The following GXYLT2 variants were observed in gnomAD, a reference collection of about 807,000 sequenced individuals.
GXYLT2 encodes the protein glycosyltransferase 8 domain containing 4.
Under a neutral mutation model 45.8 loss-of-function variants are expected in GXYLT2, and 53 were observed. The observed-to-expected ratio is 1.16, with a 90% CI of 0.93 to 1.46. GXYLT2 has a LOEUF of 1.46. GXYLT2 is among the 40% of genes most tolerant of loss of function. The pLI, the probability that GXYLT2 is intolerant of heterozygous loss-of-function variation, is 0.00. For synonymous variants in GXYLT2, 219 were observed against 214.2 expected (o/e 1.02, Z -0.19); for missense variants, 551 against 544.4 (o/e 1.01, Z -0.12).
At chr3:72,972,170 G>C (rs763427319) in intron 6 of GXYLT2, among the ~76,000 whole-genome samples, 18 of 151,906 alleles carry the variant, frequency 1.2e-4, no homozygotes, top group Non-Finnish European at 1.8e-4. Context: ...CTGTGTGTTT[G>C]TGTGTACGTG....
At chr3:72,907,768 G>A (rs1709538928) in intron 1 of GXYLT2, among the ~76,000 whole-genome samples, 3 of 152,118 alleles carry the variant, frequency 2.0e-5, no homozygotes, top group Admixed American at 2.0e-4. Flanking sequence ...GTATTGGCGA[G>A]ACGGTCAGGA....
At chr3:72,948,188 A>G (rs1378917562) in intron 3 of GXYLT2, among the ~76,000 whole-genome samples, 1 of 152,172 alleles carries the variant, frequency 6.6e-6, no homozygotes. Flanking sequence ...TCTGGATGTA[A>G]AGCTCCATGG....
In GXYLT2 at chr3:72,976,129, A is replaced by T. The variant is rs1200579893; in HGVS notation, c.*970A>T. The T allele has an allele frequency of 6.6e-6, 1 of 151,588 alleles. No homozygotes were observed. The highest frequency in any genetic ancestry group is 2.4e-5 in the African/African-American group (1 of 41,248). The allele number at this position is 151,588 out of a possible 1,614,324, so 9.4% of individuals were successfully genotyped here. A position where few individuals can be genotyped will look rare whatever the true frequency, so the allele number is the denominator to read the frequency against. ...GTATTTTTAGTAGAGACACGGTTTT[A>T]CCATGTTGGCCAGGCTGGTCTTGAT... On this transcript the variant is annotated 3_prime_UTR_variant, in exon 7 of 7. Coordinates refer to ENST00000389617, the MANE Select transcript of GXYLT2 (RefSeq NM_001080393.2).
At chr3:72,942,582 A>G (rs1410191524) in intron 3 of GXYLT2, among the ~76,000 whole-genome samples, 1 of 152,222 alleles carries the variant, frequency 6.6e-6, no homozygotes, top group African/African-American at 2.4e-5. Flanking sequence ...CAAGCAATCA[A>G]GACTGATATC....
chr3:72,906,920 G>A (rs1363469947), intron 1 of GXYLT2, among the ~76,000 whole-genome samples: 2 of 152,164 alleles, frequency 1.3e-5, no homozygotes, highest in African/African-American at 4.8e-5. Context: ...GGGAGCCCTT[G>A]CATGATTTTA....
At chr3:72,966,405 CA>C (rs1710866997) in intron 5 of GXYLT2, among the ~76,000 whole-genome samples, 1 of 149,030 alleles carries the variant, frequency 6.7e-6, no homozygotes, top group Admixed American at 6.7e-5. Flanking sequence ...AAAACCTTTC[CA>C]AAGAGTTGAT....
At chr3:72,946,199 C>T (rs760522276) in intron 3 of GXYLT2, among the ~76,000 whole-genome samples, 5 of 141,924 alleles carry the variant, frequency 3.5e-5, no homozygotes, top group African/African-American at 5.2e-5. Flanking sequence ...GTCAGCTGAA[C>T]CCAGGAAGTT....
intron 3 of GXYLT2, among the ~76,000 whole-genome samples, chr3:72,951,484 C>T (rs1710524330): frequency 6.6e-6 from 1 of 152,172 alleles, no homozygotes; most frequent in South Asian, 2.1e-4. Flanking sequence ...GTACTGAGTA[C>T]TTCGTGGGTT....
intron 1 of GXYLT2, among the ~76,000 whole-genome samples, chr3:72,896,529 C>G (rs1472939170): frequency 5.9e-5 from 9 of 152,144 alleles, no homozygotes; most frequent in Admixed American, 5.9e-4. Flanking sequence ...ATACACCAAT[C>G]TCAGTCTCCT....
At chr3:72,969,631 C>T (rs1053943608) in intron 6 of GXYLT2, among the ~76,000 whole-genome samples, 2 of 152,056 alleles carry the variant, frequency 1.3e-5, no homozygotes, top group Admixed American at 1.3e-4. Flanking sequence ...GCCATCGTGC[C>T]TGGCCATTTA....
intron 3 of GXYLT2, among the ~76,000 whole-genome samples, chr3:72,933,987 G>T (rs1710128864): frequency 6.6e-6 from 1 of 151,878 alleles, no homozygotes; most frequent in African/African-American, 2.4e-5. Flanking sequence ...AGCTGGACTT[G>T]TGTTGGATTA....
intron 1 of GXYLT2, among the ~76,000 whole-genome samples, chr3:72,907,796 A>G (rs1369026509): frequency 1.3e-5 from 2 of 152,082 alleles, no homozygotes; most frequent in African/African-American, 2.4e-5. Context: ...CTGTTTCTTC[A>G]AGACTCTCCT....
intron 3 of GXYLT2, chr3:72,929,013 G>C (rs1709973787): frequency 1.5e-6 from 2 of 1,338,730 alleles, no homozygotes; most frequent in Non-Finnish European, 1.1e-6. Context: ...GCGCCGCGCA[G>C]CCACCGCCGC....
chr3:72,904,895 A>ATAAAT (rs200846959), intron 1 of GXYLT2, among the ~76,000 whole-genome samples: 1 of 138,928 alleles, frequency 7.2e-6, no homozygotes. Flanking sequence ...AAAAAAAAAA[A>ATAAAT]AAATTAACCA....
chr3:72,903,390 A>G (rs1205172902), intron 1 of GXYLT2, among the ~76,000 whole-genome samples: 3 of 152,232 alleles, frequency 2.0e-5, no homozygotes, highest in Non-Finnish European at 4.4e-5. Flanking sequence ...TGAAAGGATC[A>G]TAGATATTAA....
rs564047153 is a variant in GXYLT2, at chr3:72,949,265, A to G, written c.601-5833A>G. Among the ~76,000 whole-genome samples the G allele has an allele frequency of 3.9e-5, 6 of 152,140 alleles. No individual in the cohort carries two copies. In the South Asian group the frequency reaches 1.0e-3, roughly 26 times the overall value. On this transcript the variant is annotated intron_variant, in intron 3 of 6. Transcript: ENST00000389617. Reference sequence around the variant, plus strand: ...AGCAACTGGCAGTCCTCCCTTTGCCATGCCCTCTCTTTTCACATGCTCTTC... The same window carrying G: ...AGCAACTGGCAGTCCTCCCTTTGCCGTGCCCTCTCTTTTCACATGCTCTTC...
chr3:72,890,441 C>T (rs1709161134), intron 1 of GXYLT2, among the ~76,000 whole-genome samples: 1 of 152,202 alleles, frequency 6.6e-6, no homozygotes, highest in Non-Finnish European at 1.5e-5. Flanking sequence ...AATGGTATCC[C>T]CACTTTTCAG....
At chr3:72,968,418 A>G (rs1710912854) in intron 6 of GXYLT2, among the ~76,000 whole-genome samples, 1 of 152,230 alleles carries the variant, frequency 6.6e-6, no homozygotes, top group East Asian at 1.9e-4. Flanking sequence ...CCAATCTGTT[A>G]CTCAATCAGG....
chr3:72,932,753 G>A (rs1710064895), intron 3 of GXYLT2, among the ~76,000 whole-genome samples: 1 of 152,190 alleles, frequency 6.6e-6, no homozygotes, highest in South Asian at 2.1e-4. Flanking sequence ...TTAAGATGAG[G>A]AATATGAGAT....
Sources: gnomAD v4.1 joint callset for allele counts (sites outside exome capture counted in the v4.1 genomes callset) on GRCh38, gnomAD v4.1.1 for gene constraint, MANE v1.5 for transcripts, NCBI Gene and HGNC (gene_info 2026-07-23, HGNC 2026-07-21) for gene names.